The following CCDC102B variants were observed in gnomAD, a reference collection of about 807,000 sequenced individuals.
CCDC102B encodes the protein coiled-coil domain-containing protein 102B.
In CCDC102B, 75 loss-of-function variants were observed where a neutral mutation model predicts 57.4. The ratio of observed to expected loss-of-function variants is 1.31; its 90% CI spans 1.08 to 1.58. The LOEUF (loss-of-function observed/expected upper bound fraction) is 1.58, where lower values mean the gene tolerates loss of function less well. CCDC102B is among the 40% of genes most tolerant of loss of function. The pLI, the probability that CCDC102B is intolerant of heterozygous loss-of-function variation, is 0.00. For missense variants in CCDC102B, 636 were observed against 582.6 expected, an observed-to-expected ratio of 1.09 and a Z score of -0.94; for synonymous variants, 206 against 201.9, an observed-to-expected ratio of 1.02 and a Z score of -0.17.
At chr18:68,765,153 A>G (rs2034385983) in intron 2 of CCDC102B, among the ~76,000 whole-genome samples, 1 of 150,086 alleles carries the variant, frequency 6.7e-6, no homozygotes, top group Non-Finnish European at 1.5e-5. Context: ...GAGCCCAGGA[A>G]TTTGAGGCTG....
chr18:68,739,351 T>G (rs1318926628), intron 2 of CCDC102B, among the ~76,000 whole-genome samples: 1 of 152,196 alleles, frequency 6.6e-6, no homozygotes, highest in Non-Finnish European at 1.5e-5. Context: ...GCTCACTGTT[T>G]CATGAACAAA....
intron 6 of CCDC102B, among the ~76,000 whole-genome samples, chr18:69,003,969 G>C (rs1283532705): frequency 6.6e-6 from 1 of 152,002 alleles, no homozygotes; most frequent in Admixed American, 6.6e-5. Context: ...AATCTTTTAG[G>C]CTTCTAATTA....
intron 1 of CCDC102B, chr18:68,798,579 A>C (rs533733611): frequency 6.6e-6 from 1 of 152,260 alleles, no homozygotes; most frequent in South Asian, 2.1e-4. Context: ...ACAGTAAAAA[A>C]GTAAAATTGT....
chr18:68,868,092 C>G (rs2039083359), intron 4 of CCDC102B, among the ~76,000 whole-genome samples: 1 of 150,218 alleles, frequency 6.7e-6, no homozygotes, highest in Non-Finnish European at 1.5e-5. Context: ...AAAAAAACTT[C>G]TTAATTTCAT....
At chr18:69,033,394 C>T (rs2052200746) in intron 7 of CCDC102B, among the ~76,000 whole-genome samples, 1 of 152,094 alleles carries the variant, frequency 6.6e-6, no homozygotes, top group Admixed American at 6.6e-5. Flanking sequence ...AATTTTAAAA[C>T]AGTGTCATCA....
chr18:68,719,481 G>C (rs556231756), intron 2 of CCDC102B, among the ~76,000 whole-genome samples: 3 of 152,280 alleles, frequency 2.0e-5, no homozygotes, highest in African/African-American at 7.2e-5. Context: ...ACCAGGAGTA[G>C]TGATATCCAA....
intron 2 of CCDC102B, among the ~76,000 whole-genome samples, chr18:68,759,703 G>C (rs1045825477): frequency 6.6e-6 from 1 of 152,034 alleles, no homozygotes; most frequent in African/African-American, 2.4e-5. Flanking sequence ...ATCGAATGTA[G>C]ATTTTTGCCA....
chr18:68,737,091 G>T (rs1210023789), intron 2 of CCDC102B, among the ~76,000 whole-genome samples: 1 of 151,914 alleles, frequency 6.6e-6, no homozygotes, highest in Non-Finnish European at 1.5e-5. Context: ...GGGTTGGGAG[G>T]AGTAGTCTCA....
intron 2 of CCDC102B, among the ~76,000 whole-genome samples, chr18:68,741,715 C>G (rs7244878): frequency 9.7e-6 from 1 of 103,576 alleles, no homozygotes; most frequent in East Asian, 3.0e-4. Context: ...ACACACACAC[C>G]CCAAGACAAT....
rs28642243 is a variant in CCDC102B at position 68,961,848 on chromosome 18, G to T, written c.1264-49086G>T. ...TAAATACCAACTAACATAGCAGTTC[G>T]TGGATTTTAATAGAAATCTACCTGC... On this transcript the variant is annotated intron_variant, in intron 6 of 7. Coordinates refer to ENST00000360242, the MANE Select transcript of CCDC102B (RefSeq NM_024781.3). Among the ~76,000 whole-genome samples, 11 of 151,882 alleles carry T rather than the reference G, an allele frequency of 7.2e-5. No homozygotes were observed. The South Asian group carries it at 1.0e-3, about 14-fold the overall frequency.
intron 1 of CCDC102B, among the ~76,000 whole-genome samples, chr18:68,807,003 C>T (rs894110112): frequency 3.3e-5 from 5 of 152,044 alleles, no homozygotes; most frequent in African/African-American, 1.2e-4. Flanking sequence ...TCATAGCAAC[C>T]ATAGAATACA....
At chr18:68,757,161 CT>C (rs1030226758) in intron 2 of CCDC102B, among the ~76,000 whole-genome samples, 2 of 152,082 alleles carry the variant, frequency 1.3e-5, no homozygotes, top group African/African-American at 4.8e-5. Flanking sequence ...GTGTTCTGAA[CT>C]TTTTTCTCCT....
At position 68,824,890 on chromosome 18, in the gene CCDC102B, C is replaced by T. The variant is rs528922007; in HGVS notation, c.-15-11859C>T. ...CTTTCATATACACACTGTCATCACA[C>T]AGTCACACATGCACTCCATAAATAA... On this transcript the variant is annotated intron_variant, in intron 1 of 7. Transcript: ENST00000360242. 2.0e-5 allele frequency among the ~76,000 whole-genome samples: 3 copies of T among 152,288 alleles called. No individual in the cohort carries two copies. In the South Asian group the frequency reaches 6.2e-4, roughly 32 times the overall value.
At chr18:68,780,285 T>G (rs2034964150) in intron 2 of CCDC102B, among the ~76,000 whole-genome samples, 1 of 152,142 alleles carries the variant, frequency 6.6e-6, no homozygotes, top group Non-Finnish European at 1.5e-5. Flanking sequence ...GTTTCTACTT[T>G]TTGGCCATTA....
At chr18:68,847,525 G>A (rs1166803194) in intron 4 of CCDC102B, among the ~76,000 whole-genome samples, 2 of 151,768 alleles carry the variant, frequency 1.3e-5, no homozygotes, top group African/African-American at 4.8e-5. Flanking sequence ...CATTTATGTA[G>A]CAAATATACT....
chr18:68,736,690 C>A (rs7236974), intron 2 of CCDC102B, among the ~76,000 whole-genome samples: 15,060 of 152,022 alleles, frequency 0.099, 760 homozygotes, highest in Middle Eastern at 0.11. Flanking sequence ...GAAGCAAACT[C>A]AGAAACCTGT....
At chr18:68,730,545 T>C (rs1442137346) in intron 2 of CCDC102B, among the ~76,000 whole-genome samples, 1 of 152,200 alleles carries the variant, frequency 6.6e-6, no homozygotes, top group Non-Finnish European at 1.5e-5. Context: ...TACTTCTGTC[T>C]GCTGATAGAT....
At chr18:68,997,873 G>A (rs1002665377) in intron 6 of CCDC102B, among the ~76,000 whole-genome samples, 22 of 150,718 alleles carry the variant, frequency 1.5e-4, no homozygotes, top group African/African-American at 2.2e-4. Flanking sequence ...TGGCATTTTC[G>A]CATTGCTGTA....
intron 2 of CCDC102B, among the ~76,000 whole-genome samples, chr18:68,720,546 T>A (rs1319961025): frequency 6.6e-6 from 1 of 152,204 alleles, no homozygotes; most frequent in Non-Finnish European, 1.5e-5. Flanking sequence ...AGAGAGAACG[T>A]GCACTCATGA....
Sources: gnomAD v4.1 joint callset for allele counts (sites outside exome capture counted in the v4.1 genomes callset) on GRCh38, gnomAD v4.1.1 for gene constraint, MANE v1.5 for transcripts, NCBI Gene and HGNC (gene_info 2026-07-23, HGNC 2026-07-21) for gene names.